SNTG1: variants seen among roughly 807,000 people sequenced by gnomAD.
SNTG1 encodes gamma-1-syntrophin.
SNTG1 carries 39 observed loss-of-function variants against 74.7 expected under a neutral mutation model. The observed-to-expected ratio is 0.52, with a 90% CI of 0.40 to 0.68. The LOEUF is 0.68. Among genes scored for constraint, SNTG1 ranks in the 30% least tolerant of loss-of-function variants. The pLI, the probability that SNTG1 is intolerant of heterozygous loss-of-function variation, is 0.00. For missense variants in SNTG1, 685 were observed against 609.5 expected, an observed-to-expected ratio of 1.12 and a Z score of -1.30; for synonymous variants, 254 against 217.1, an observed-to-expected ratio of 1.17 and a Z score of -1.49.
At chr8:50,525,842 C>CA (rs113609106) in intron 9 of SNTG1, among the ~76,000 whole-genome samples, 61,012 of 150,754 alleles carry the variant, frequency 0.4, 16,533 homozygotes, top group African/African-American at 0.78. Flanking sequence ...ATTTACAGAC[C>CA]TGGTTTCCAC....
intron 1 of SNTG1, among the ~76,000 whole-genome samples, chr8:49,986,442 A>T (rs550264470): frequency 6.6e-6 from 1 of 152,176 alleles, no homozygotes; most frequent in African/African-American, 2.4e-5. Context: ...CAGGCAAATC[A>T]TTGGGATTGT....
intron 1 of SNTG1, among the ~76,000 whole-genome samples, chr8:49,977,394 G>A (rs1448190722): frequency 3.9e-5 from 6 of 152,174 alleles, no homozygotes; most frequent in Admixed American, 3.9e-4. Flanking sequence ...GGATATGAAA[G>A]GTTGTTTTGA....
Position 50,793,192 on chromosome 8 carries a change from A to T in SNTG1, c.*363A>T, listed in dbSNP as rs1278938934. 3 of 159,008 alleles carry T rather than the reference A, an allele frequency of 1.9e-5. No individual in the cohort carries two copies. Among genetic ancestry groups the T allele is most frequent in the African/African-American group, 7.2e-5 (3 of 41,732 alleles). 9.8% of individuals were successfully genotyped at this position (159,008 alleles called of 1,614,324 possible). A position where few individuals can be genotyped will look rare whatever the true frequency, so the allele number is the denominator to read the frequency against. ...TATTAAATGATTACTTCTGTATTTT[A>T]GATTATTTTGTATGACTAGTACATG... On this transcript the variant is annotated 3_prime_UTR_variant, in exon 19 of 19. Coordinates refer to ENST00000642720, the MANE Select transcript of SNTG1 (RefSeq NM_018967.5).
intron 1 of SNTG1, among the ~76,000 whole-genome samples, chr8:50,006,224 G>A (rs1365615730): frequency 6.6e-6 from 1 of 152,016 alleles, no homozygotes; most frequent in Non-Finnish European, 1.5e-5. Context: ...GCCTCCCAAA[G>A]TGCTGGGATT....
intron 17 of SNTG1, among the ~76,000 whole-genome samples, chr8:50,715,483 A>G (rs1276367137): frequency 6.6e-6 from 1 of 152,176 alleles, no homozygotes; most frequent in Non-Finnish European, 1.5e-5. Context: ...TAGCTTGTTA[A>G]AAACATTTTT....
chr8:50,614,341 C>A (rs1217694159), intron 13 of SNTG1, among the ~76,000 whole-genome samples: 1 of 152,022 alleles, frequency 6.6e-6, no homozygotes, highest in Non-Finnish European at 1.5e-5. Flanking sequence ...GAAATAGTTT[C>A]TTTCTAGATA....
intron 8 of SNTG1, among the ~76,000 whole-genome samples, chr8:50,495,006 T>C (rs559497390): frequency 4.6e-5 from 7 of 152,236 alleles, no homozygotes; most frequent in African/African-American, 1.7e-4. Context: ...GCATTCTTAA[T>C]TGTAATAAAT....
chr8:50,304,535 A>G lies in SNTG1; in HGVS notation c.-27-89677A>G, dbSNP rs150761498. Among the ~76,000 whole-genome samples, 38 of 152,340 alleles carry G rather than the reference A, an allele frequency of 2.5e-4. No homozygotes were observed. In the East Asian group the frequency reaches 6.7e-3, roughly 27 times the overall value. ...CATTAAAACAAAGATAGAAAAGTTA[A>G]AACTAAAGTGGAGGCAAAGATATGA... is the stretch of plus-strand genomic sequence containing the variant. On this transcript the variant is annotated intron_variant, in intron 2 of 18. Coordinates refer to ENST00000642720, the MANE Select transcript of SNTG1 (RefSeq NM_018967.5).
At chr8:49,960,660 A>G (rs1810597837) in intron 1 of SNTG1, among the ~76,000 whole-genome samples, 1 of 152,198 alleles carries the variant, frequency 6.6e-6, no homozygotes, top group African/African-American at 2.4e-5. Flanking sequence ...TAATGGGCAG[A>G]TGCTCACATA....
At chr8:50,550,422 T>C (rs1244209027) in intron 11 of SNTG1, among the ~76,000 whole-genome samples, 1 of 152,156 alleles carries the variant, frequency 6.6e-6, no homozygotes. Flanking sequence ...TAATTAGAAA[T>C]GATATATATT....
intron 1 of SNTG1, among the ~76,000 whole-genome samples, chr8:50,099,972 T>C (rs2080064260): frequency 6.6e-6 from 1 of 152,078 alleles, no homozygotes; most frequent in Non-Finnish European, 1.5e-5. Context: ...CTTTTTTTAG[T>C]TTGACAGAAT....
intron 2 of SNTG1, among the ~76,000 whole-genome samples, chr8:50,235,738 T>C (rs892661474): frequency 6.6e-6 from 1 of 152,120 alleles, no homozygotes; most frequent in African/African-American, 2.4e-5. Context: ...ATTCTCTTCT[T>C]TTTACTTTGT....
intron 8 of SNTG1, among the ~76,000 whole-genome samples, chr8:50,469,291 A>G (rs777355328): frequency 1.7e-4 from 26 of 151,886 alleles, no homozygotes; most frequent in Non-Finnish European, 1.3e-4. Flanking sequence ...TCAGCAATTG[A>G]CATGATTCAC....
chr8:50,490,169 T>C (rs1413408661), intron 8 of SNTG1, among the ~76,000 whole-genome samples: 1 of 152,246 alleles, frequency 6.6e-6, no homozygotes. Flanking sequence ...TTTTGGTTAC[T>C]GTAGCCTTGT....
intron 1 of SNTG1, among the ~76,000 whole-genome samples, chr8:50,126,601 G>C (rs977209463): frequency 6.6e-6 from 1 of 151,680 alleles, no homozygotes; most frequent in East Asian, 1.9e-4. Flanking sequence ...ATTTACATAT[G>C]TGTTTTAAAT....
intron 1 of SNTG1, among the ~76,000 whole-genome samples, chr8:49,980,521 CAAAAAAAAAAAAAAAA>C (rs565561398): frequency 1.9e-5 from 1 of 53,840 alleles, no homozygotes; most frequent in Admixed American, 3.1e-4. Context: ...GACTCCTTCG[CAAAAAAAAAAAAAAAA>C]AAAAAAAAAA....
At chr8:50,628,456 A>G (rs1273513244) in intron 13 of SNTG1, among the ~76,000 whole-genome samples, 1 of 152,110 alleles carries the variant, frequency 6.6e-6, no homozygotes, top group African/African-American at 2.4e-5. Flanking sequence ...AGGGTCACTA[A>G]TGATGTACAT....
intron 1 of SNTG1, among the ~76,000 whole-genome samples, chr8:50,030,232 C>T (rs1817630391): frequency 6.6e-6 from 1 of 151,820 alleles, no homozygotes; most frequent in Non-Finnish European, 1.5e-5. Context: ...TTTTGAGCTC[C>T]GTATATATTC....
chr8:50,050,329 C>T (rs1819460430), intron 1 of SNTG1, among the ~76,000 whole-genome samples: 1 of 151,766 alleles, frequency 6.6e-6, no homozygotes, highest in African/African-American at 2.4e-5. Context: ...CAAGCCTGTG[C>T]TTACAAATTT....
Sources: allele counts gnomAD v4.1 joint callset (sites outside exome capture counted in the v4.1 genomes callset), GRCh38; gene constraint gnomAD v4.1.1; transcripts MANE v1.5; gene names NCBI Gene and HGNC (gene_info 2026-07-23, HGNC 2026-07-21).